The following CNTN5 variants were observed in gnomAD, a reference collection of about 807,000 sequenced individuals.
CNTN5 encodes contactin-5.
A neutral mutation model predicts 129.1 loss-of-function variants in CNTN5; 77 were observed. The ratio of observed to expected loss-of-function variants is 0.60; its 90% CI spans 0.50 to 0.72. CNTN5 has a LOEUF of 0.72. Among genes scored for constraint, CNTN5 ranks in the 30% least tolerant of loss-of-function variants. The pLI, the probability that CNTN5 is intolerant of heterozygous loss-of-function variation, is 0.00. For missense variants in CNTN5, 1,478 were observed against 1,328.8 expected (o/e 1.11, Z -1.75); for synonymous variants, 509 against 465.6 (o/e 1.09, Z -1.20).
chr11:99,283,809 TGAAGG>T (rs1863806859), intron 1 of CNTN5, among the ~76,000 whole-genome samples: 1 of 152,072 alleles, frequency 6.6e-6, no homozygotes, highest in African/African-American at 2.4e-5. Context: ...TGTATTGGAA[TGAAGG>T]GAATAGGAAA....
In CNTN5 at chr11:99,385,315, C is replaced by T. The variant is rs116737547; in HGVS notation, c.-71+59831C>T. The stretch of plus-strand genomic sequence containing the variant: ...GTCTTCTCAACCCCTGAAACACCCC[C>T]GCCCCACCCCTCACTGCCAGTCTCA... On this transcript the variant is annotated intron_variant, in intron 2 of 24. Transcript: ENST00000524871. 5.4e-3 allele frequency among the ~76,000 whole-genome samples: 825 copies of T among 152,194 alleles called. 7 individuals are homozygous for T. Among genetic ancestry groups the T allele is most frequent in the African/African-American group, 0.018 (755 of 41,542 alleles).
intron 1 of CNTN5, among the ~76,000 whole-genome samples, chr11:99,323,116 CT>C (rs1865637120): frequency 6.6e-6 from 1 of 152,108 alleles, no homozygotes; most frequent in Admixed American, 6.6e-5. Context: ...ATATGTAAAA[CT>C]TTCAGTTTAG....
intron 4 of CNTN5, among the ~76,000 whole-genome samples, chr11:99,834,452 G>C (rs1947239985): frequency 1.3e-5 from 2 of 152,178 alleles, no homozygotes; most frequent in African/African-American, 4.8e-5. Context: ...GTTTAGCCCA[G>C]GAGGTTGCGG....
intron 3 of CNTN5, among the ~76,000 whole-genome samples, chr11:99,696,847 G>A (rs900091180): frequency 6.6e-6 from 1 of 151,908 alleles, no homozygotes; most frequent in Admixed American, 6.6e-5. Flanking sequence ...CCCACACTGT[G>A]TAAGACCCAG....
chr11:100,059,938 C>T (rs967816458), intron 9 of CNTN5, among the ~76,000 whole-genome samples: 1 of 151,896 alleles, frequency 6.6e-6, no homozygotes, highest in East Asian at 1.9e-4. Flanking sequence ...GCCGGGCATG[C>T]TGGCTCATGC....
chr11:100,144,361 C>G (rs1946786691), intron 13 of CNTN5, among the ~76,000 whole-genome samples: 1 of 151,928 alleles, frequency 6.6e-6, no homozygotes, highest in South Asian at 2.1e-4. Context: ...TTTTTCAAGC[C>G]TTTCTCTCCT....
At chr11:99,252,346 C>CA (rs1216752923) in intron 1 of CNTN5, among the ~76,000 whole-genome samples, 6 of 151,720 alleles carry the variant, frequency 4.0e-5, no homozygotes, top group South Asian at 2.1e-4. Flanking sequence ...AACACACAAA[C>CA]AAAAAACACA....
In CNTN5 at chr11:100,200,320, G is replaced by A. The variant is rs117540518; in HGVS notation, c.1884+6657G>A. Among the ~76,000 whole-genome samples, 13 of 152,004 alleles carry A rather than the reference G, an allele frequency of 8.6e-5. No homozygotes were observed. The South Asian group carries it at 2.3e-3, about 27-fold the overall frequency. On this transcript the variant is annotated intron_variant, in intron 15 of 24. Coordinates refer to ENST00000524871, the MANE Select transcript of CNTN5 (RefSeq NM_014361.4). ...GTCAAAATTAGTAAAATTAGGTAAC[G>A]TCTTCAAGTTGTCCCATATAAAAAG... is the stretch of plus-strand genomic sequence containing the variant.
At chr11:99,283,923 A>T (rs952626635) in intron 1 of CNTN5, among the ~76,000 whole-genome samples, 1 of 152,168 alleles carries the variant, frequency 6.6e-6, no homozygotes, top group South Asian at 2.1e-4. Flanking sequence ...TCATACGAGC[A>T]GTACATTAAC....
intron 13 of CNTN5, among the ~76,000 whole-genome samples, chr11:100,094,225 A>C (rs1387611834): frequency 6.6e-6 from 1 of 151,994 alleles, no homozygotes; most frequent in Non-Finnish European, 1.5e-5. Flanking sequence ...TATGGATCTA[A>C]CTCTCAGGTG....
intron 1 of CNTN5, among the ~76,000 whole-genome samples, chr11:99,047,602 A>G (rs1036954379): frequency 3.9e-5 from 6 of 152,146 alleles, no homozygotes; most frequent in Non-Finnish European, 8.8e-5. Flanking sequence ...GTAAAAGTTC[A>G]TCGATAAATT....
At chr11:99,831,379 C>T (rs182946932) in intron 4 of CNTN5, among the ~76,000 whole-genome samples, 1 of 152,190 alleles carries the variant, frequency 6.6e-6, no homozygotes, top group Non-Finnish European at 1.5e-5. Context: ...GAGAATGAGG[C>T]AAAATTTCAT....
chr11:99,099,549 T>TACACACACAC (rs57981357), intron 1 of CNTN5, among the ~76,000 whole-genome samples: 77 of 149,762 alleles, frequency 5.1e-4, no homozygotes, highest in African/African-American at 1.9e-3. Context: ...ATAATGTGTA[T>TACACACACAC]ACACACACAC....
chr11:99,850,467 G>A (rs1004925614), intron 6 of CNTN5, among the ~76,000 whole-genome samples: 1 of 152,082 alleles, frequency 6.6e-6, no homozygotes, highest in African/African-American at 2.4e-5. Flanking sequence ...GAAAAATTAA[G>A]CAAGTATAAA....
chr11:100,022,578 G>A lies in CNTN5; in HGVS notation c.980+20442G>A, dbSNP rs377241693. On this transcript the variant is annotated intron_variant, in intron 9 of 24. Transcript: ENST00000524871. ...AATCTTTCAAAGAGATATAAATAAT[G>A]AGAACATTAATTTATATTTGTCCAT... Among the ~76,000 whole-genome samples, 68 of 152,318 alleles carry A rather than the reference G, an allele frequency of 4.5e-4. No homozygotes were observed. The East Asian group carries it at 9.1e-3, about 20-fold the overall frequency.
chr11:99,798,801 A>C (rs1565545319), intron 3 of CNTN5, among the ~76,000 whole-genome samples: 1 of 152,122 alleles, frequency 6.6e-6, no homozygotes, highest in South Asian at 2.1e-4. Context: ...CTCTGTGAAG[A>C]ATGATGTTTG....
chr11:100,255,878 T>A lies in CNTN5; in HGVS notation c.2124T>A (p.Ala708=). ...CAATCTCCTCCTACAACCTTCAAGC[T>A]CGCAGCCCATTTTCCCTGGGCTGGC... ...HSPISSYNLQ[A]RSPFSLGWQT... is the part of the protein sequence containing the mutation. The change falls in exon 17 of 25, where the codon GCT becomes GCA. Residue 708 remains alanine, a synonymous_variant. Coordinates refer to ENST00000524871, the MANE Select transcript of CNTN5 (RefSeq NM_014361.4). 6.2e-7 allele frequency: 1 copy of A among 1,613,816 alleles called. No individual in the cohort carries two copies. Among genetic ancestry groups the A allele is most frequent in the Non-Finnish European group, 8.5e-7 (1 of 1,179,846 alleles).
At chr11:99,748,414 T>TACAG (rs113812471) in intron 3 of CNTN5, among the ~76,000 whole-genome samples, 2 of 150,916 alleles carry the variant, frequency 1.3e-5, no homozygotes, top group Non-Finnish European at 2.9e-5. Flanking sequence ...GAACAATCCA[T>TACAG]AGAGAGAGAG....
intron 9 of CNTN5, among the ~76,000 whole-genome samples, chr11:100,040,084 T>C (rs191774402): frequency 0.046 from 6,971 of 152,172 alleles, 201 homozygotes; most frequent in Non-Finnish European, 0.063. Context: ...TCTTTTTTTT[T>C]CCCATCTTTG....
Sources: allele counts gnomAD v4.1 joint callset (sites outside exome capture counted in the v4.1 genomes callset), GRCh38; gene constraint gnomAD v4.1.1; transcripts MANE v1.5; gene names NCBI Gene and HGNC (gene_info 2026-07-23, HGNC 2026-07-21).